Variants in SIK2 observed in about 807,000 individuals in gnomAD.
The protein encoded by SIK2 is serine/threonine-protein kinase SIK2.
In SIK2, 29 loss-of-function variants were observed where a neutral mutation model predicts 103.2. The observed-to-expected ratio is 0.28, with a 90% CI of 0.21 to 0.38. The LOEUF is 0.38. SIK2 is among the 10% of genes least tolerant of loss of function. The pLI is 1.00. For synonymous variants in SIK2, 412 were observed against 446.1 expected, an observed-to-expected ratio of 0.92 and a Z score of 0.96; for missense variants, 879 against 1,171.0, an observed-to-expected ratio of 0.75 and a Z score of 3.64.
chr11:111,686,250 G>A (rs1474326976), intron 3 of SIK2, among the ~76,000 whole-genome samples: 3 of 152,056 alleles, frequency 2.0e-5, no homozygotes, highest in Non-Finnish European at 4.4e-5. Context: ...ACACCAGCCC[G>A]GGCAACATGG....
Position 111,700,877 on chromosome 11 carries a change from T to C in SIK2, c.479-9T>C. ...TAGATGAAAATAACATTTATTTCCA[T>C]CCTAATAGATTTCGGTTTTGGAAAT... is the stretch of plus-strand genomic sequence containing the variant. On this transcript the variant is annotated splice_polypyrimidine_tract_variant and intron_variant, in intron 4 of 14. Transcript: ENST00000304987. 1 of 1,613,738 alleles carries C rather than the reference T, an allele frequency of 6.2e-7. No individual in the cohort carries two copies. The highest frequency in any genetic ancestry group is 1.7e-4 in the Middle Eastern group (1 of 6,056).
chr11:111,630,173 A>G (rs1197183863), intron 3 of SIK2, among the ~76,000 whole-genome samples: 2 of 152,196 alleles, frequency 1.3e-5, no homozygotes, highest in South Asian at 2.1e-4. Context: ...ATGCAACAAC[A>G]TGCATACATC....
intron 3 of SIK2, chr11:111,671,425 G>A (rs998129957): frequency 1.2e-5 from 3 of 240,152 alleles, no homozygotes; most frequent in South Asian, 5.2e-5. Flanking sequence ...GGAAGCCCTC[G>A]GTCTCTGAGG....
At position 111,602,499 on chromosome 11, in the gene SIK2, G is replaced by A. The variant is rs957448245; in HGVS notation, c.-65G>A. 1.1e-5 allele frequency: 16 copies of A among 1,401,476 alleles called. No individual in the cohort carries two copies. Among genetic ancestry groups the A allele is most frequent in the South Asian group, 4.6e-5 (3 of 65,090 alleles). The allele number at this position is 1,401,476 out of a possible 1,614,324, so 86.8% of individuals were successfully genotyped here. A position where few individuals can be genotyped will look rare whatever the true frequency, so the allele number is the denominator to read the frequency against. ...GCGGAGCGGCCGTCGCCCAAGCCAA[G>A]CCGCGCTGCCAACCCTCCCGCCCGC... is the stretch of plus-strand genomic sequence containing the variant. On this transcript the variant is annotated 5_prime_UTR_variant, in exon 1 of 15. Transcript: ENST00000304987. The surrounding 1 kb of genome is among the most constrained non-coding windows in gnomAD (Gnocchi z 4.5).
In SIK2 at chr11:111,728,832, G is replaced by A. The variant is rs1410596366; in HGVS notation, c.*4703G>A. On this transcript the variant is annotated 3_prime_UTR_variant, in exon 15 of 15. Coordinates refer to ENST00000304987, the MANE Select transcript of SIK2 (RefSeq NM_015191.3). ...CCAGCTACTCGGGAGGCTGAGGCAG[G>A]AGAATGGCGTGAACCCGGGAGGTGG... 4 of 151,808 alleles carry A rather than the reference G, an allele frequency of 2.6e-5. No homozygotes were observed. Among genetic ancestry groups the A allele is most frequent in the African/African-American group, 7.3e-5 (3 of 41,316 alleles). The allele number at this position is 151,808 out of a possible 1,614,324, so 9.4% of individuals were successfully genotyped here. A position where few individuals can be genotyped will look rare whatever the true frequency, so the allele number is the denominator to read the frequency against.
chr11:111,665,523 A>T (rs1469199103), intron 3 of SIK2, among the ~76,000 whole-genome samples: 1 of 152,096 alleles, frequency 6.6e-6, no homozygotes, highest in Non-Finnish European at 1.5e-5. Context: ...AAAGAAAAAA[A>T]AAGGAAAAGA....
Position 111,674,194 on chromosome 11 carries a change from G to T in SIK2, c.317-13807G>T, listed in dbSNP as rs79064941. ...GAGAACAGAGCCCAGTGTTTTTAAC[G>T]TTAGTCCATGTTGTTGTGGAGCTAT... On this transcript the variant is annotated intron_variant, in intron 3 of 14. Transcript: ENST00000304987. Among the ~76,000 whole-genome samples, 8 of 152,082 alleles carry T rather than the reference G, an allele frequency of 5.3e-5. No homozygotes were observed. In the East Asian group the frequency reaches 1.5e-3, roughly 29 times the overall value.
At chr11:111,612,195 G>C (rs1010954832) in intron 1 of SIK2, among the ~76,000 whole-genome samples, 12 of 152,128 alleles carry the variant, frequency 7.9e-5, no homozygotes, top group African/African-American at 2.9e-4. Flanking sequence ...ATTCATTAGA[G>C]CTTTAAGACC....
At chr11:111,626,599 T>C (rs528136249) in intron 3 of SIK2, among the ~76,000 whole-genome samples, 1 of 152,210 alleles carries the variant, frequency 6.6e-6, no homozygotes, top group East Asian at 1.9e-4. Context: ...TGTGTCATTA[T>C]CTCCTAACTG....
At chr11:111,659,672 G>A (rs145562015) in intron 3 of SIK2, among the ~76,000 whole-genome samples, 101 of 151,834 alleles carry the variant, frequency 6.7e-4, no homozygotes, top group African/African-American at 2.0e-3. Flanking sequence ...GGCAGCTTCC[G>A]TCTTTGTCTC....
At chr11:111,637,531 C>T (rs1181613206) in intron 3 of SIK2, among the ~76,000 whole-genome samples, 1 of 147,020 alleles carries the variant, frequency 6.8e-6, no homozygotes, top group Non-Finnish European at 1.5e-5. Flanking sequence ...ACAATCTTGG[C>T]TCATTGCAAC....
intron 4 of SIK2, among the ~76,000 whole-genome samples, chr11:111,692,546 C>T (rs1942974346): frequency 6.6e-6 from 1 of 151,914 alleles, no homozygotes; most frequent in Non-Finnish European, 1.5e-5. Context: ...GGAAAAAAGC[C>T]AGGAGAGGCG....
At position 111,724,846 on chromosome 11, in the gene SIK2, A is replaced by C. The variant is rs1179578736; in HGVS notation, c.*717A>C. ...TGTCAGAATATACTCAGGACTCCAG[A>C]GGTGTCACACGTGGAACTGACAGGA... is the stretch of plus-strand genomic sequence containing the variant. On this transcript the variant is annotated 3_prime_UTR_variant, in exon 15 of 15. Coordinates refer to ENST00000304987, the MANE Select transcript of SIK2 (RefSeq NM_015191.3). 6.6e-6 allele frequency: 1 copy of C among 152,250 alleles called. No homozygotes were observed. The highest frequency in any genetic ancestry group is 1.5e-5 in the Non-Finnish European group (1 of 68,096). 9.4% of individuals were successfully genotyped at this position (152,250 alleles called of 1,614,324 possible).
At chr11:111,684,035 T>C (rs1942811916) in intron 3 of SIK2, among the ~76,000 whole-genome samples, 1 of 152,204 alleles carries the variant, frequency 6.6e-6, no homozygotes, top group South Asian at 2.1e-4. Flanking sequence ...AGAGTGAAAG[T>C]GCCACTTCTC....
At chr11:111,687,950 T>G in intron 3 of SIK2, 51 bp from the exon 4 acceptor site, 1 of 1,593,140 alleles carries the variant, frequency 6.3e-7, no homozygotes, top group Non-Finnish European at 8.6e-7. Context: ...CTACTAATAG[T>G]GGAGTTATTT....
intron 2 of SIK2, 64 bp from the exon 3 acceptor site, chr11:111,620,275 A>T: frequency 9.5e-7 from 1 of 1,050,766 alleles, no homozygotes; most frequent in Non-Finnish European, 1.4e-6. Context: ...AGGTAACTCG[A>T]TAGAATATTG....
At chr11:111,646,485 G>C (rs1345978299) in intron 3 of SIK2, among the ~76,000 whole-genome samples, 1 of 152,076 alleles carries the variant, frequency 6.6e-6, no homozygotes, top group African/African-American at 2.4e-5. Context: ...TATTCAACTT[G>C]AACACTTATG....
chr11:111,647,626 G>A (rs1942274841), intron 3 of SIK2, among the ~76,000 whole-genome samples: 1 of 148,834 alleles, frequency 6.7e-6, no homozygotes, highest in African/African-American at 2.5e-5. Context: ...AGCACTTTGG[G>A]AGGCTGAGGC....
intron 12 of SIK2, 31 bp from the exon 13 acceptor site, chr11:111,721,799 T>G (rs1398883663): frequency 6.4e-7 from 1 of 1,558,708 alleles, no homozygotes; most frequent in Non-Finnish European, 8.7e-7. Flanking sequence ...CATGGGGAAT[T>G]GAAAATTGTT....
Sources: gnomAD v4.1 joint callset for allele counts (sites outside exome capture counted in the v4.1 genomes callset) on GRCh38, gnomAD v4.1.1 for gene constraint, Gnocchi (gnomAD v3.1) non-coding constraint, MANE v1.5 for transcripts, NCBI Gene and HGNC (gene_info 2026-07-23, HGNC 2026-07-21) for gene names.